The following TSTD2 variants were observed in gnomAD, a reference collection of about 807,000 sequenced individuals.
TSTD2 encodes the protein thiosulfate sulfurtransferase/rhodanese-like domain-containing protein 2.
A neutral mutation model predicts 47.9 loss-of-function variants in TSTD2; 37 were observed. The ratio of observed to expected loss-of-function variants is 0.77; its 90% CI spans 0.59 to 1.02. The LOEUF (loss-of-function observed/expected upper bound fraction) is 1.02, where lower values mean the gene tolerates loss of function less well. Ranked by LOEUF, TSTD2 falls within the 50% of genes least tolerant of loss-of-function variation. TSTD2 has a pLI of 0.00. For missense variants in TSTD2, 586 were observed against 616.0 expected, an observed-to-expected ratio of 0.95 and a Z score of 0.52; for synonymous variants, 201 against 215.9, an observed-to-expected ratio of 0.93 and a Z score of 0.61.
chr9:97,632,919 G>C (rs555492774), intron 1 of TSTD2, among the ~76,000 whole-genome samples: 1 of 152,356 alleles, frequency 6.6e-6, no homozygotes, highest in East Asian at 1.9e-4. Flanking sequence ...GGACAAAGCA[G>C]ATAAGCCAGT....
rs1477379196 is a variant in TSTD2, at chr9:97,600,148, T to C, written c.*2321A>G. ...AGCTATTAGCAAATAAAACTGATTA[T>C]CATTCTTTATTAACCCTCCTTGGAA... On this transcript the variant is annotated 3_prime_UTR_variant, in exon 10 of 10. Coordinates refer to ENST00000341170, the MANE Select transcript of TSTD2 (RefSeq NM_139246.5). 1.0e-6 allele frequency: 1 copy of C among 1,001,598 alleles called. No homozygotes were observed. The highest frequency in any genetic ancestry group is 1.2e-6 in the Non-Finnish European group (1 of 837,984). 62.0% of individuals were successfully genotyped at this position (1,001,598 alleles called of 1,614,324 possible).
In TSTD2 at chr9:97,600,339, ATTTCAAG is replaced by A; in HGVS notation, c.*2123_*2129del. On this transcript the variant is annotated 3_prime_UTR_variant, in exon 10 of 10. Transcript: ENST00000341170. Reference sequence around the variant, plus strand: ...TGATAGGAAAAAAACCAATGGTGAAATTTCAAGTTTCAAAAACCAACCTTTCATTACC... The same window carrying A: ...TGATAGGAAAAAAACCAATGGTGAAATTTCAAAAACCAACCTTTCATTACC... The A allele has an allele frequency of 1.0e-6, 1 of 986,142 alleles. No individual in the cohort carries two copies. Among genetic ancestry groups the A allele is most frequent in the Non-Finnish European group, 1.2e-6 (1 of 830,194 alleles). The allele number at this position is 986,142 out of a possible 1,614,324, so 61.1% of individuals were successfully genotyped here. A position where few individuals can be genotyped will look rare whatever the true frequency, so the allele number is the denominator to read the frequency against.
At position 97,622,070 on chromosome 9, in the gene TSTD2, T is replaced by TA. The variant is rs544358565; in HGVS notation, c.482+3610dup. ...TTTATTTCTCAGGCCGGCCAACACT[T>TA]AGAGAAAATAGAAAAGAACCTACGT... On this transcript the variant is annotated intron_variant, in intron 3 of 9. Transcript: ENST00000341170. Among the ~76,000 whole-genome samples, 1,024 of 151,952 alleles carry TA rather than the reference T, an allele frequency of 6.7e-3. 7 individuals are homozygous for TA. Among genetic ancestry groups the TA allele is most frequent in the African/African-American group, 0.024 (975 of 41,458 alleles).
At chr9:97,623,443 T>C (rs1221896119) in intron 3 of TSTD2, among the ~76,000 whole-genome samples, 2 of 152,276 alleles carry the variant, frequency 1.3e-5, no homozygotes, top group Non-Finnish European at 2.9e-5. Flanking sequence ...TTTTAAGCTC[T>C]GACATTACAT....
At chr9:97,620,462 GAA>G (rs1430293199) in intron 3 of TSTD2, among the ~76,000 whole-genome samples, 2 of 152,200 alleles carry the variant, frequency 1.3e-5, no homozygotes, top group Non-Finnish European at 2.9e-5. Context: ...GGGTGCTGCT[GAA>G]AAGACACCCA....
At chr9:97,621,471 G>A (rs761266306) in intron 3 of TSTD2, among the ~76,000 whole-genome samples, 8 of 152,186 alleles carry the variant, frequency 5.3e-5, no homozygotes, top group Admixed American at 6.5e-5. Context: ...CTGCGGGGCC[G>A]GGCAGAACAG....
At chr9:97,614,772 G>A (rs771797403) in intron 4 of TSTD2, among the ~76,000 whole-genome samples, 5 of 152,204 alleles carry the variant, frequency 3.3e-5, no homozygotes, top group Non-Finnish European at 7.3e-5. Flanking sequence ...TCTACGTATA[G>A]TACTGTAAAA....
At chr9:97,616,505 A>G (rs1245402033) in intron 4 of TSTD2, among the ~76,000 whole-genome samples, 1 of 152,080 alleles carries the variant, frequency 6.6e-6, no homozygotes, top group Non-Finnish European at 1.5e-5. Context: ...TGGGTAAGAG[A>G]GGGTGGTGGT....
chr9:97,602,287 G>C lies in TSTD2; in HGVS notation c.*182C>G. The C allele has an allele frequency of 3.0e-6, 2 of 665,638 alleles. No homozygotes were observed. Among genetic ancestry groups the C allele is most frequent in the Non-Finnish European group, 4.9e-6 (2 of 404,314 alleles). 41.2% of individuals were successfully genotyped at this position (665,638 alleles called of 1,614,324 possible). ...GCATCATCCAAATCAGAATGTCTCAGGTAAGTGGTAGACAACGTGACTCCT... is the reference window on the plus strand; with the variant it reads ...GCATCATCCAAATCAGAATGTCTCACGTAAGTGGTAGACAACGTGACTCCT... On this transcript the variant is annotated 3_prime_UTR_variant, in exon 10 of 10. Coordinates refer to ENST00000341170, the MANE Select transcript of TSTD2 (RefSeq NM_139246.5).
chr9:97,604,046 T>A (rs1017291072), intron 9 of TSTD2: 1 of 152,242 alleles, frequency 6.6e-6, no homozygotes, highest in African/African-American at 2.4e-5. Flanking sequence ...AAACCAACTA[T>A]ACAGAAATAC....
rs1390032323 is a variant in TSTD2 at position 97,602,611 on chromosome 9, G to C, written c.1409C>G (p.Pro470Arg). 6.2e-7 allele frequency: 1 copy of C among 1,614,096 alleles called. No individual in the cohort carries two copies. The highest frequency in any genetic ancestry group is 8.5e-7 in the Non-Finnish European group (1 of 1,180,044). ...TTCCTCTTTAAAGCTGTCTTGCATA[G>C]GGCCTGAAACTTTCCTGCTCCCCTT... ...QDKGSRKVSG[P>R]MQDSFKEECE... Residue 470 changes from proline (P) to arginine (R), a missense_variant, in exon 10 of 10, where the codon CCT becomes CGT. Transcript: ENST00000341170.
Position 97,600,230 on chromosome 9 carries a change from T to C in TSTD2, c.*2239A>G, listed in dbSNP as rs1587971444. On this transcript the variant is annotated 3_prime_UTR_variant, in exon 10 of 10. Transcript: ENST00000341170. ...GATTACTGGATCCAGAACACAATTT[T>C]CCCCTCAGAACAGATAGACAGACTG... 1 of 993,070 alleles carries C rather than the reference T, an allele frequency of 1.0e-6. No individual in the cohort carries two copies. The highest frequency in any genetic ancestry group is 1.2e-6 in the Non-Finnish European group (1 of 833,774). 61.5% of individuals were successfully genotyped at this position (993,070 alleles called of 1,614,324 possible).
intron 3 of TSTD2, among the ~76,000 whole-genome samples, chr9:97,619,512 CTTTTTTTT>C (rs910409360): frequency 4.7e-5 from 7 of 147,826 alleles, no homozygotes; most frequent in Non-Finnish European, 9.0e-5. Flanking sequence ...TTCTTTTTTT[CTTTTTTTT>C]TTGTAGGGCA....
chr9:97,622,021 T>C (rs1483727143), intron 3 of TSTD2, among the ~76,000 whole-genome samples: 10 of 151,884 alleles, frequency 6.6e-5, no homozygotes, highest in Admixed American at 2.6e-4. Flanking sequence ...AGCTGTAAAA[T>C]TTCTCTGTTT....
In TSTD2 at chr9:97,625,893, G is replaced by A; in HGVS notation, c.270C>T (p.Thr90=). Residue 90 remains threonine (T), a synonymous_variant, in exon 3 of 10, where the codon ACC becomes ACT. Transcript: ENST00000341170. ...GTGTTGCCACATGTCTATGGATGCT[G>A]GTTTGGTCTGTGAATAGCTGCCGAC... is the stretch of plus-strand genomic sequence containing the variant. ...KCCRQLFTDQ[T]SIHRHVATQH... 6.2e-7 allele frequency: 1 copy of A among 1,614,128 alleles called. No individual in the cohort carries two copies. Among genetic ancestry groups the A allele is most frequent in the Non-Finnish European group, 8.5e-7 (1 of 1,179,992 alleles).
intron 2 of TSTD2, 75 bp downstream of exon 2, chr9:97,627,323 C>G (rs1324205336): frequency 6.7e-7 from 1 of 1,498,510 alleles, no homozygotes; most frequent in Non-Finnish European, 8.9e-7. Flanking sequence ...TGGAGAGCAA[C>G]CTTGATAACC....
chr9:97,631,576 AAGTC>A (rs1180668609), intron 1 of TSTD2, among the ~76,000 whole-genome samples: 2 of 152,212 alleles, frequency 1.3e-5, no homozygotes, highest in African/African-American at 2.4e-5. Flanking sequence ...TTAAAAAAAT[AAGTC>A]AGACTGGCCC....
rs1224831199 is a variant in TSTD2 at position 97,611,641 on chromosome 9, C to G, written c.662G>C (p.Arg221Thr). 3 of 1,610,886 alleles carry G rather than the reference C, an allele frequency of 1.9e-6. No homozygotes were observed. Among genetic ancestry groups the G allele is most frequent in the Admixed American group, 3.3e-5 (2 of 59,966 alleles). Residue 221 changes from arginine to threonine, a missense_variant, in exon 5 of 10, where the codon AGA (arginine) becomes ACA (threonine). Arg to Thr is a moderately conservative substitution (Grantham distance 71, BLOSUM62 -1). Coordinates refer to ENST00000341170, the MANE Select transcript of TSTD2 (RefSeq NM_139246.5). ...GTVGGSKLAT[R>T]LYVEVMLSFP... ...GGAAAGCATGACTTCCACATAAAGT[C>G]TGGTAGCCAATTTGCTTCCACCAAC... is the stretch of plus-strand genomic sequence containing the variant.
chr9:97,614,554 G>C (rs1175870278), intron 4 of TSTD2, among the ~76,000 whole-genome samples: 2 of 150,494 alleles, frequency 1.3e-5, no homozygotes, highest in Admixed American at 6.7e-5. Context: ...AGCAGAAAGG[G>C]ATAGAACGTG....
Sources: gnomAD v4.1 joint callset for allele counts (sites outside exome capture counted in the v4.1 genomes callset) on GRCh38, gnomAD v4.1.1 for gene constraint, MANE v1.5 for transcripts, NCBI Gene and HGNC (gene_info 2026-07-23, HGNC 2026-07-21) for gene names.